TMEM232: variants seen among roughly 807,000 people sequenced by gnomAD.
TMEM232 encodes the protein transmembrane protein 232.
TMEM232 carries 80 observed loss-of-function variants against 78.8 expected under a neutral mutation model. The ratio of observed to expected loss-of-function variants is 1.01; its 90% CI spans 0.85 to 1.22. The LOEUF (loss-of-function observed/expected upper bound fraction) is 1.22. Ranked by LOEUF, TMEM232 falls within the 50% of genes most tolerant of loss-of-function variation. The pLI, the probability that TMEM232 is intolerant of heterozygous loss-of-function variation, is 0.00. For synonymous variants in TMEM232, 297 were observed against 254.3 expected (o/e 1.17, Z -1.60); for missense variants, 881 against 742.2 (o/e 1.19, Z -2.17).
intron 5 of TMEM232, among the ~76,000 whole-genome samples, chr5:110,633,827 C>G (rs1785463008): frequency 6.6e-6 from 1 of 152,064 alleles, no homozygotes; most frequent in Non-Finnish European, 1.5e-5. Flanking sequence ...AACAATATGA[C>G]AGGAACAAAA....
chr5:110,529,897 A>G (rs147598966), intron 11 of TMEM232, among the ~76,000 whole-genome samples: 296 of 152,322 alleles, frequency 1.9e-3, no homozygotes, highest in African/African-American at 7.0e-3. Flanking sequence ...TGATATGTAC[A>G]TACTATTAAT....
chr5:110,467,960 T>G (rs940343429), intron 12 of TMEM232, among the ~76,000 whole-genome samples: 1 of 150,974 alleles, frequency 6.6e-6, no homozygotes, highest in African/African-American at 2.4e-5. Context: ...TACCTTTACA[T>G]GACATTCTTC....
At chr5:110,561,441 TTAAA>T (rs1775734857) in intron 11 of TMEM232, among the ~76,000 whole-genome samples, 1 of 151,986 alleles carries the variant, frequency 6.6e-6, no homozygotes, top group African/African-American at 2.4e-5. Context: ...TTTATGAGAA[TTAAA>T]TAATTAATGC....
chr5:110,673,913 T>A (rs1487341614), intron 1 of TMEM232, among the ~76,000 whole-genome samples: 1 of 146,408 alleles, frequency 6.8e-6, no homozygotes, highest in African/African-American at 2.5e-5. Flanking sequence ...GATTTAGTGA[T>A]AAAGGAATGA....
chr5:110,598,823 G>C (rs905588654), intron 10 of TMEM232, among the ~76,000 whole-genome samples: 2 of 136,032 alleles, frequency 1.5e-5, no homozygotes, highest in African/African-American at 5.6e-5. Context: ...AGAACACATG[G>C]ACACAGGAAG....
Position 110,516,326 on chromosome 5 carries a change from A to G in TMEM232, c.1703+12262T>C, listed in dbSNP as rs1288547855. On this transcript the variant is annotated intron_variant, in intron 12 of 13. Transcript: ENST00000455884. ...TCTCCTAGTCTTTATACATATGCAAATAATTAGTTGTTTATAAGATTTTAG... is the reference window on the plus strand; with the variant it reads ...TCTCCTAGTCTTTATACATATGCAAGTAATTAGTTGTTTATAAGATTTTAG... Among the ~76,000 whole-genome samples, 5 of 152,200 alleles carry G rather than the reference A, an allele frequency of 3.3e-5. No individual in the cohort carries two copies. In the East Asian group the frequency reaches 9.6e-4, roughly 29 times the overall value.
Position 110,539,492 on chromosome 5 carries a change from T to G in TMEM232, c.1456-10657A>C, listed in dbSNP as rs577339296. Among the ~76,000 whole-genome samples the G allele has an allele frequency of 6.6e-5, 10 of 152,346 alleles. No homozygotes were observed. The South Asian group carries it at 2.1e-3, about 32-fold the overall frequency. ...GCCAAAAGGTTCTCAGTTCTAGACC[T>G]AAAAGATGCTTTCTTCTCCATTCCC... On this transcript the variant is annotated intron_variant, in intron 11 of 13. Transcript: ENST00000455884.
chr5:110,403,052 C>T (rs1755662837), intron 2 of TMEM232, among the ~76,000 whole-genome samples: 1 of 152,036 alleles, frequency 6.6e-6, no homozygotes, highest in African/African-American at 2.4e-5. Flanking sequence ...AAGAAGACAA[C>T]TCACTTTGTA....
intron 12 of TMEM232, among the ~76,000 whole-genome samples, chr5:110,442,201 C>T (rs1474682675): frequency 6.6e-6 from 1 of 152,042 alleles, no homozygotes; most frequent in East Asian, 1.9e-4. Flanking sequence ...TTTGAATATA[C>T]TTTCTACCCC....
At chr5:110,654,640 T>G in intron 2 of TMEM232, among the ~76,000 whole-genome samples, 1 of 152,224 alleles carries the variant, frequency 6.6e-6, no homozygotes, top group Non-Finnish European at 1.5e-5. Flanking sequence ...GGCTCTTTTT[T>G]GGTTCCATAT....
In TMEM232 at chr5:110,605,209, T is replaced by G. The variant is rs1421654535; in HGVS notation, c.1176A>C (p.Gln392His). 6.4e-7 allele frequency: 1 copy of G among 1,551,148 alleles called. No individual in the cohort carries two copies. Among genetic ancestry groups the G allele is most frequent in the African/African-American group, 1.4e-5 (1 of 73,148 alleles). ...LIGFCHCKSS[Q>H]KNILYLDKSV... ...ATTTGTCCAAGTATAAAATATTTTT[T>G]TGTGAACTTTTACAGTGACAGAAAC... Residue 392 changes from glutamine to histidine, a missense_variant, in exon 10 of 14, where the codon CAA becomes CAC. By Grantham distance (24) the Gln-to-His change is conservative. Coordinates refer to ENST00000455884, the MANE Select transcript of TMEM232 (RefSeq NM_001039763.4).
intron 8 of TMEM232, among the ~76,000 whole-genome samples, chr5:110,613,440 T>C (rs1782556282): frequency 6.6e-6 from 1 of 152,168 alleles, no homozygotes; most frequent in Non-Finnish European, 1.5e-5. Flanking sequence ...TGGTCTCTCT[T>C]TGCTTTTAAA....
At chr5:110,620,614 TCTCTCTCTCTCTCTCTCTCTCTCTC>T (rs2149904187) in intron 7 of TMEM232, among the ~76,000 whole-genome samples, 1 of 137,072 alleles carries the variant, frequency 7.3e-6, no homozygotes, top group African/African-American at 3.0e-5. Flanking sequence ...TCTCTCTCTC[TCTCTCTCTCTCTCTCTCTCTCTCTC>T]CTCTCTCCTC....
chr5:110,684,251 C>T (rs1793119561), intron 1 of TMEM232, among the ~76,000 whole-genome samples: 1 of 151,764 alleles, frequency 6.6e-6, no homozygotes. Context: ...AATATAAATA[C>T]ATGAAAAGAA....
At chr5:110,735,043 A>G (rs1261298173) in intron 1 of TMEM232, 1 of 152,222 alleles carries the variant, frequency 6.6e-6, no homozygotes, top group Non-Finnish European at 1.5e-5. Flanking sequence ...AAAATAGTGT[A>G]TAGTTGCATC....
chr5:110,639,850 A>G (rs1337703916), intron 4 of TMEM232, among the ~76,000 whole-genome samples: 1 of 152,192 alleles, frequency 6.6e-6, no homozygotes, highest in Non-Finnish European at 1.5e-5. Flanking sequence ...TCACACACCT[A>G]TGAGGACCCA....
At chr5:110,518,747 G>A (rs189866891) in intron 12 of TMEM232, among the ~76,000 whole-genome samples, 57 of 152,176 alleles carry the variant, frequency 3.7e-4, no homozygotes, top group African/African-American at 1.3e-3. Flanking sequence ...TTTGCCTTTT[G>A]GCAGCAACAC....
chr5:110,470,760 TC>T (rs1561536004), intron 12 of TMEM232, among the ~76,000 whole-genome samples: 1 of 152,136 alleles, frequency 6.6e-6, no homozygotes, highest in African/African-American at 2.4e-5. Context: ...AAAGCCACTT[TC>T]TAAAGTTTAG....
chr5:110,601,719 C>T (rs566191184), intron 10 of TMEM232, among the ~76,000 whole-genome samples: 1 of 152,100 alleles, frequency 6.6e-6, no homozygotes, highest in Non-Finnish European at 1.5e-5. Flanking sequence ...GGCAATACTG[C>T]CCAAATTAAT....
Sources: gnomAD v4.1 joint callset for allele counts (sites outside exome capture counted in the v4.1 genomes callset) on GRCh38, gnomAD v4.1.1 for gene constraint, MANE v1.5 for transcripts, NCBI Gene and HGNC (gene_info 2026-07-23, HGNC 2026-07-21) for gene names.